Variants in ST6GAL2 observed in about 807,000 individuals in gnomAD.
ST6GAL2 encodes the protein beta-galactoside alpha-2,6-sialyltransferase 2.
A neutral mutation model predicts 37.5 loss-of-function variants in ST6GAL2; 24 were observed. The ratio of observed to expected loss-of-function variants is 0.64; its 90% CI spans 0.46 to 0.90. The LOEUF (loss-of-function observed/expected upper bound fraction) is 0.90. Among genes scored for constraint, ST6GAL2 ranks in the 40% least tolerant of loss-of-function variants. The probability of loss-of-function intolerance (pLI) is 0.00; values close to 1 mark genes in which losing one functional copy is unlikely to be tolerated. For synonymous variants in ST6GAL2, 306 were observed against 295.1 expected (o/e 1.04, Z -0.38); for missense variants, 715 against 712.7 (o/e 1.00, Z -0.04).
At position 106,829,390 on chromosome 2, in the gene ST6GAL2, C is replaced by T. The variant is rs78646601; in HGVS notation, c.1318+676G>A. Among the ~76,000 whole-genome samples the T allele has an allele frequency of 5.3e-3, 812 of 152,256 alleles. 6 individuals are homozygous for T. Among genetic ancestry groups the T allele is most frequent in the South Asian group, 0.017 (82 of 4,820 alleles). Reference sequence around the variant, plus strand: ...CATTCTCCCTAGGATCCATAAGCTGCCATTTAAGAAGTCTAATTACTTTGA... The same window carrying T: ...CATTCTCCCTAGGATCCATAAGCTGTCATTTAAGAAGTCTAATTACTTTGA... On this transcript the variant is annotated intron_variant, in intron 5 of 5. Transcript: ENST00000409382.
At position 106,805,393 on chromosome 2, in the gene ST6GAL2, G is replaced by C. The variant is rs1025295601; in HGVS notation, c.*1285C>G. ...AAAATTTTTCAATGTATCAGTGACA[G>C]TTGAGATTAAAGAAAAAATCAACCC... On this transcript the variant is annotated 3_prime_UTR_variant, in exon 6 of 6. Coordinates refer to ENST00000409382, the MANE Select transcript of ST6GAL2 (RefSeq NM_001142351.2). The C allele has an allele frequency of 5.3e-5, 8 of 152,188 alleles. No homozygotes were observed. Among genetic ancestry groups the C allele is most frequent in the African/African-American group, 1.9e-4 (8 of 41,448 alleles). 9.4% of individuals were successfully genotyped at this position (152,188 alleles called of 1,614,324 possible).
intron 1 of ST6GAL2, among the ~76,000 whole-genome samples, chr2:106,876,975 G>C (rs190500942): frequency 6.6e-5 from 10 of 152,132 alleles, no homozygotes; most frequent in Admixed American, 3.3e-4. Context: ...ACTCCAAAGA[G>C]TCTATTTAGA....
chr2:106,883,973 A>C lies in ST6GAL2; in HGVS notation c.-58+2120T>G, dbSNP rs1678855676. 2.0e-5 allele frequency among the ~76,000 whole-genome samples: 3 copies of C among 152,218 alleles called. 1 individual carries two copies. The South Asian group carries it at 6.2e-4, about 32-fold the overall frequency. ...TAAGAAGGAGTGGCAGAAGCCTAGAAATCAGTTTGTCTTTCAGAAAAGATT... is the reference window on the plus strand; with the variant it reads ...TAAGAAGGAGTGGCAGAAGCCTAGACATCAGTTTGTCTTTCAGAAAAGATT... On this transcript the variant is annotated intron_variant, in intron 1 of 5. Coordinates refer to ENST00000409382, the MANE Select transcript of ST6GAL2 (RefSeq NM_001142351.2).
intron 5 of ST6GAL2, among the ~76,000 whole-genome samples, chr2:106,809,666 A>G (rs753672875): frequency 2.6e-5 from 4 of 152,188 alleles, no homozygotes; most frequent in Non-Finnish European, 4.4e-5. Context: ...TTCAGGTTCT[A>G]TTGGTTTGTG....
chr2:106,822,953 A>G (rs1676060144), intron 5 of ST6GAL2: 3 of 152,184 alleles, frequency 2.0e-5, no homozygotes, highest in Non-Finnish European at 4.4e-5. Flanking sequence ...TTGTAAGGAA[A>G]ACAGAATCAT....
intron 1 of ST6GAL2, among the ~76,000 whole-genome samples, chr2:106,854,843 T>G (rs1677509759): frequency 6.6e-6 from 1 of 151,990 alleles, no homozygotes; most frequent in African/African-American, 2.4e-5. Context: ...TGAAGTATTC[T>G]CTCATGTTTT....
intron 5 of ST6GAL2, among the ~76,000 whole-genome samples, chr2:106,815,928 T>C (rs1414421856): frequency 2.0e-5 from 3 of 151,760 alleles, no homozygotes; most frequent in East Asian, 1.9e-4. Flanking sequence ...TTCATTCATT[T>C]GTTTTTTCAA....
intron 5 of ST6GAL2, chr2:106,822,952 A>G (rs904495596): frequency 1.7e-4 from 26 of 152,200 alleles, no homozygotes; most frequent in African/African-American, 6.3e-4. Context: ...ATTGTAAGGA[A>G]AACAGAATCA....
chr2:106,879,038 G>T (rs911332665), intron 1 of ST6GAL2, among the ~76,000 whole-genome samples: 1 of 152,122 alleles, frequency 6.6e-6, no homozygotes, highest in Non-Finnish European at 1.5e-5. Context: ...AACAACCAAG[G>T]TTCCTTAGGC....
Position 106,803,612 on chromosome 2 carries a change from TAACAACAACAACAACAACAAC to T in ST6GAL2, c.*3045_*3065del, listed in dbSNP as rs3841913. 1.3e-5 allele frequency: 2 copies of T among 149,352 alleles called. No individual in the cohort carries two copies. The highest frequency in any genetic ancestry group is 6.7e-5 in the Admixed American group (1 of 14,988). The allele number at this position is 149,352 out of a possible 1,614,324, so 9.3% of individuals were successfully genotyped here. On this transcript the variant is annotated 3_prime_UTR_variant, in exon 6 of 6. Transcript: ENST00000409382. ...TTGCTGCTCAAAATTTGTTTCTTTGTAACAACAACAACAACAACAACAACAACAACAACAACAACAACAACA... is the reference window on the plus strand; with the variant it reads ...TTGCTGCTCAAAATTTGTTTCTTTGTAACAACAACAACAACAACAACAACA...
Position 106,806,623 on chromosome 2 carries a change from G to T in ST6GAL2, c.*55C>A. ...AATCTATCTTCAAGTATTCTTTTGTGACTTTGAGTACAACAGTAGTACCTT... is the reference window on the plus strand; with the variant it reads ...AATCTATCTTCAAGTATTCTTTTGTTACTTTGAGTACAACAGTAGTACCTT... On this transcript the variant is annotated 3_prime_UTR_variant, in exon 6 of 6. Transcript: ENST00000409382. 2 of 1,554,528 alleles carry T rather than the reference G, an allele frequency of 1.3e-6. No homozygotes were observed. Among genetic ancestry groups the T allele is most frequent in the South Asian group, 1.2e-5 (1 of 83,606 alleles).
chr2:106,876,134 A>G lies in ST6GAL2; in HGVS notation c.-58+9959T>C, dbSNP rs1678494304. 6.4e-5 allele frequency among the ~76,000 whole-genome samples: 7 copies of G among 108,582 alleles called. No individual in the cohort carries two copies. The South Asian group carries it at 2.9e-3, about 44-fold the overall frequency. The allele number at this position is 108,582 out of a possible 152,430, so 71.2% of individuals were successfully genotyped here. A position where few individuals can be genotyped will look rare whatever the true frequency, so the allele number is the denominator to read the frequency against. On this transcript the variant is annotated intron_variant, in intron 1 of 5. Coordinates refer to ENST00000409382, the MANE Select transcript of ST6GAL2 (RefSeq NM_001142351.2). The stretch of plus-strand genomic sequence containing the variant: ...AGTGCAAGTCACCATGCCTGGACAC[A>G]AATTTCATTTTTAAAGTGTGTTTTT...
intron 1 of ST6GAL2, among the ~76,000 whole-genome samples, chr2:106,854,882 TA>T (rs1482719575): frequency 1.3e-5 from 2 of 150,564 alleles, no homozygotes; most frequent in African/African-American, 2.4e-5. Flanking sequence ...AATCCTTTTT[TA>T]AAAATATAAA....
chr2:106,833,965 C>G, intron 3 of ST6GAL2, 84 bp downstream of exon 3: 1 of 971,860 alleles, frequency 1.0e-6, no homozygotes, highest in African/African-American at 1.6e-5. Context: ...CTTCTCTTCA[C>G]TCATCCGGTT....
At chr2:106,870,917 G>A (rs947235474) in intron 1 of ST6GAL2, among the ~76,000 whole-genome samples, 1 of 152,154 alleles carries the variant, frequency 6.6e-6, no homozygotes, top group African/African-American at 2.4e-5. Flanking sequence ...CAAAGTGAAA[G>A]AATTTTAACA....
intron 1 of ST6GAL2, among the ~76,000 whole-genome samples, chr2:106,849,684 A>G (rs1008454870): frequency 4.6e-5 from 7 of 152,146 alleles, no homozygotes; most frequent in African/African-American, 1.7e-4. Context: ...AGAGACATGT[A>G]CCATCTATCC....
At chr2:106,866,245 T>A (rs574317184) in intron 1 of ST6GAL2, among the ~76,000 whole-genome samples, 109 of 152,318 alleles carry the variant, frequency 7.2e-4, no homozygotes, top group African/African-American at 2.5e-3. Flanking sequence ...TGTGCAGTCA[T>A]GTGGGACCCG....
rs1675278683 is a variant in ST6GAL2, at chr2:106,802,149, T to G, written c.*4529A>C. 1 of 152,148 alleles carries G rather than the reference T, an allele frequency of 6.6e-6. No individual in the cohort carries two copies. Among genetic ancestry groups the G allele is most frequent in the Admixed American group, 6.5e-5 (1 of 15,268 alleles). The allele number at this position is 152,148 out of a possible 1,614,324, so 9.4% of individuals were successfully genotyped here. A position where few individuals can be genotyped will look rare whatever the true frequency, so the allele number is the denominator to read the frequency against. On this transcript the variant is annotated 3_prime_UTR_variant, in exon 6 of 6. Coordinates refer to ENST00000409382, the MANE Select transcript of ST6GAL2 (RefSeq NM_001142351.2). ...AGCCAAGATGTGCAGAGTATGAGTG[T>G]GTGGGAAGCGGTTGGCGGAGGACTG... is the stretch of plus-strand genomic sequence containing the variant.
intron 2 of ST6GAL2, among the ~76,000 whole-genome samples, chr2:106,837,487 TG>T (rs2104494752): frequency 1.3e-5 from 2 of 152,328 alleles, no homozygotes; most frequent in East Asian, 3.9e-4. Context: ...GAAAGGGTCT[TG>T]CAAAGGCTAA....
Sources: gnomAD v4.1 joint callset for allele counts (sites outside exome capture counted in the v4.1 genomes callset) on GRCh38, gnomAD v4.1.1 for gene constraint, MANE v1.5 for transcripts, NCBI Gene and HGNC (gene_info 2026-07-23, HGNC 2026-07-21) for gene names.